ATG7: variants seen among roughly 807,000 people sequenced by gnomAD.
ATG7 encodes ubiquitin-like modifier-activating enzyme ATG7.
ATG7 carries 70 observed loss-of-function variants against 82.4 expected under a neutral mutation model. The observed-to-expected ratio is 0.85, with a 90% CI of 0.70 to 1.04. The LOEUF is 1.04. ATG7 is among the 50% of genes least tolerant of loss of function. The pLI is 0.00. For synonymous variants in ATG7, 287 were observed against 313.0 expected, an observed-to-expected ratio of 0.92 and a Z score of 0.88; for missense variants, 792 against 864.3, an observed-to-expected ratio of 0.92 and a Z score of 1.05.
intron 10 of ATG7, among the ~76,000 whole-genome samples, chr3:11,331,999 T>C (rs1315546080): frequency 6.6e-6 from 1 of 152,180 alleles, no homozygotes; most frequent in African/African-American, 2.4e-5. Flanking sequence ...AAATTAAAAA[T>C]ATCTATGGCT....
chr3:11,366,275 C>T (rs1273217341), intron 18 of ATG7, among the ~76,000 whole-genome samples: 1 of 151,452 alleles, frequency 6.6e-6, no homozygotes, highest in African/African-American at 2.4e-5. Flanking sequence ...CCCAGAGTCT[C>T]AGTTTCCAAA....
At chr3:11,566,100 G>C in the ATG7 span, among the ~76,000 whole-genome samples, 1 of 152,210 alleles carries the variant, frequency 6.6e-6, no homozygotes, top group African/African-American at 2.4e-5. Context: ...GCCTGCCCTG[G>C]TGAAGCAGCA....
chr3:11,380,879 CTG>C (rs1559505790), intron 19 of ATG7, among the ~76,000 whole-genome samples: 1 of 152,188 alleles, frequency 6.6e-6, no homozygotes, highest in African/African-American at 2.4e-5. Flanking sequence ...CTGTCTGCCA[CTG>C]TGGAAGAAAG....
chr3:11,537,378 C>T (rs1223838822), intron 20 of ATG7, among the ~76,000 whole-genome samples: 2 of 152,190 alleles, frequency 1.3e-5, no homozygotes, highest in African/African-American at 2.4e-5. Context: ...CTTGTCACCT[C>T]CACTAGGCAG....
intron 18 of ATG7, 30 bp downstream of exon 18, chr3:11,364,764 C>A: frequency 6.2e-7 from 1 of 1,610,824 alleles, no homozygotes; most frequent in South Asian, 1.1e-5. Flanking sequence ...AATCACAATT[C>A]TTTTGGTACA....
At chr3:11,559,058 G>C (rs111405662), downstream of ATG7, among the ~76,000 whole-genome samples, 1,691 of 152,356 alleles carry the variant, frequency 0.011, 15 homozygotes, top group Non-Finnish European at 0.018. Flanking sequence ...TTCAGAAAGA[G>C]AATGTGGCAT....
At chr3:11,286,583 C>CTTTTTTTTTTTTTTTTT (rs5846700) in intron 3 of ATG7, among the ~76,000 whole-genome samples, 31 of 66,964 alleles carry the variant, frequency 4.6e-4, no homozygotes, top group Non-Finnish European at 5.7e-4. Flanking sequence ...TTCTTTCTTT[C>CTTTTTTTTTTTTTTTTT]TTTTTTTTTT....
At chr3:11,401,019 AATCCCAAGATG>A (rs998467293) in intron 19 of ATG7, among the ~76,000 whole-genome samples, 2 of 152,224 alleles carry the variant, frequency 1.3e-5, no homozygotes, top group Admixed American at 6.5e-5. Flanking sequence ...TAATGGGTTG[AATCCCAAGATG>A]TTGTGCTCCT....
At chr3:11,307,336 C>T (rs908228485) in intron 6 of ATG7, among the ~76,000 whole-genome samples, 13 of 152,224 alleles carry the variant, frequency 8.5e-5, no homozygotes, top group African/African-American at 3.1e-4. Flanking sequence ...TGCTGCTCAT[C>T]TCCAGCCAGC....
intron 18 of ATG7, among the ~76,000 whole-genome samples, chr3:11,373,774 A>G (rs991891122): frequency 5.3e-5 from 8 of 152,190 alleles, no homozygotes; most frequent in African/African-American, 1.9e-4. Context: ...TGGGGTTTCT[A>G]TGCATATGTA....
intron 10 of ATG7, chr3:11,332,592 G>A (rs1334668351): frequency 6.5e-6 from 1 of 154,336 alleles, no homozygotes; most frequent in Non-Finnish European, 1.4e-5. Context: ...TGCTTAATAT[G>A]GAAGTTCAGA....
At chr3:11,340,298 C>T (rs1457870432) in intron 11 of ATG7, among the ~76,000 whole-genome samples, 1 of 151,680 alleles carries the variant, frequency 6.6e-6, no homozygotes, top group Non-Finnish European at 1.5e-5. Flanking sequence ...ATACCTACCC[C>T]AGAAAAGATT....
intron 14 of ATG7, 73 bp downstream of exon 14, chr3:11,348,108 G>C (rs1224929399): frequency 6.6e-7 from 1 of 1,512,498 alleles, no homozygotes; most frequent in African/African-American, 1.4e-5. Context: ...GAGGCCTGTG[G>C]CATTGAAGAA....
chr3:11,328,032 G>A (rs1053182797), intron 9 of ATG7, among the ~76,000 whole-genome samples: 1 of 152,128 alleles, frequency 6.6e-6, no homozygotes, highest in Non-Finnish European at 1.5e-5. Flanking sequence ...GTCTGTAAGA[G>A]CACCCTCTCT....
intron 19 of ATG7, among the ~76,000 whole-genome samples, chr3:11,417,817 T>TTA (rs796157542): frequency 2.0e-4 from 15 of 74,858 alleles, no homozygotes; most frequent in African/African-American, 4.3e-4. Flanking sequence ...TTTATTTTAT[T>TTA]TTTTTTTTTT....
intron 20 of ATG7, among the ~76,000 whole-genome samples, chr3:11,488,746 A>G (rs1302459789): frequency 6.6e-6 from 1 of 152,200 alleles, no homozygotes; most frequent in Admixed American, 6.5e-5. Flanking sequence ...CATCCCAGGG[A>G]TGAAGCCCAC....
chr3:11,398,427 A>C (rs2079513771), intron 19 of ATG7, among the ~76,000 whole-genome samples: 1 of 152,236 alleles, frequency 6.6e-6, no homozygotes, highest in Non-Finnish European at 1.5e-5. Flanking sequence ...GATAACTAGA[A>C]AATCATCCCC....
At chr3:11,389,713 G>A (rs540243892) in intron 19 of ATG7, among the ~76,000 whole-genome samples, 1 of 152,292 alleles carries the variant, frequency 6.6e-6, no homozygotes, top group Non-Finnish European at 1.5e-5. Flanking sequence ...AGTAAAGGCA[G>A]CATCATTGGA....
intron 18 of ATG7, among the ~76,000 whole-genome samples, chr3:11,368,229 TAAA>T (rs760208581): frequency 2.5e-4 from 27 of 109,338 alleles, no homozygotes; most frequent in South Asian, 3.1e-4. Flanking sequence ...TTCTTTTACT[TAAA>T]AAAAAAAAAA....
Sources: allele counts gnomAD v4.1 joint callset (sites outside exome capture counted in the v4.1 genomes callset), GRCh38; gene constraint gnomAD v4.1.1; transcripts MANE v1.5; gene names NCBI Gene and HGNC (gene_info 2026-07-23, HGNC 2026-07-21).